AIFM2: variants seen among roughly 807,000 people sequenced by gnomAD.
AIFM2 encodes the protein ferroptosis suppressor protein 1.
Under a neutral mutation model 35.7 loss-of-function variants are expected in AIFM2, and 38 were observed. The observed-to-expected ratio is 1.06, with a 90% CI of 0.82 to 1.39. AIFM2 has a LOEUF of 1.39. AIFM2 is among the 40% of genes most tolerant of loss of function. The pLI, the probability that AIFM2 is intolerant of heterozygous loss-of-function variation, is 0.00. For missense variants in AIFM2, 476 were observed against 491.2 expected (o/e 0.97, Z 0.29); for synonymous variants, 185 against 203.5 (o/e 0.91, Z 0.77).
Position 70,112,333 on chromosome 10 carries a change from C to T in AIFM2, c.*1845G>A, listed in dbSNP as rs1173897190. The T allele has an allele frequency of 2.0e-5, 3 of 152,200 alleles. No individual in the cohort carries two copies. The highest frequency in any genetic ancestry group is 2.1e-4 in the South Asian group (1 of 4,828). 9.4% of individuals were successfully genotyped at this position (152,200 alleles called of 1,614,324 possible). A position where few individuals can be genotyped will look rare whatever the true frequency, so the allele number is the denominator to read the frequency against. On this transcript the variant is annotated 3_prime_UTR_variant, in exon 9 of 9. Transcript: ENST00000307864. ...CAGTTTGGAAAACTGTGTCCCCACA[C>T]GTAGGTCCTTCTAGAATATTGTAAG...
chr10:70,122,960 T>A (rs1226018740), intron 3 of AIFM2, among the ~76,000 whole-genome samples: 1 of 152,190 alleles, frequency 6.6e-6, no homozygotes, highest in African/African-American at 2.4e-5. Context: ...AAGCCTTTGT[T>A]TATGAGGAAT....
At chr10:70,132,154 CAG>C (rs1412452974) in intron 1 of AIFM2, among the ~76,000 whole-genome samples, 4 of 152,220 alleles carry the variant, frequency 2.6e-5, no homozygotes, top group East Asian at 1.9e-4. Context: ...CGCGTCCCAT[CAG>C]AGTTAGTTTA....
At chr10:70,125,045 G>A (rs2072550012) in intron 1 of AIFM2, among the ~76,000 whole-genome samples, 1 of 152,030 alleles carries the variant, frequency 6.6e-6, no homozygotes, top group Admixed American at 6.6e-5. Flanking sequence ...CCTCTCTCTC[G>A]CTCTCTCTTT....
Position 70,117,767 on chromosome 10 carries a change from C to G in AIFM2, c.616+45G>C. On this transcript the variant is annotated intron_variant, in intron 6 of 8. Coordinates refer to ENST00000307864, the MANE Select transcript of AIFM2 (RefSeq NM_032797.6). This position sits in a 1 kb window ranked among gnomAD's most constrained non-coding sequence, Gnocchi z 4.7. ...GTCACCAAGCCTCCAAGCCACATCTCACCAGGCCAGGGCAGGGCAGGGAGG... is the reference window on the plus strand; with the variant it reads ...GTCACCAAGCCTCCAAGCCACATCTGACCAGGCCAGGGCAGGGCAGGGAGG... 6.6e-7 allele frequency: 1 copy of G among 1,522,534 alleles called. No homozygotes were observed. The highest frequency in any genetic ancestry group is 8.9e-7 in the Non-Finnish European group (1 of 1,118,568). 94.3% of individuals were successfully genotyped at this position (1,522,534 alleles called of 1,614,324 possible).
intron 1 of AIFM2, among the ~76,000 whole-genome samples, chr10:70,129,782 T>C (rs1210113616): frequency 6.6e-6 from 1 of 152,292 alleles, no homozygotes; most frequent in East Asian, 1.9e-4. Flanking sequence ...CCATCTAATT[T>C]TTTAATCAAA....
intron 1 of AIFM2, among the ~76,000 whole-genome samples, chr10:70,129,888 T>TA (rs1564555535): frequency 1.3e-4 from 13 of 100,596 alleles, no homozygotes; most frequent in Non-Finnish European, 2.2e-4. Context: ...ACCCCATCTT[T>TA]TAAAAAAAAA....
chr10:70,118,538 C>T (rs2072463505), intron 5 of AIFM2, among the ~76,000 whole-genome samples: 1 of 152,240 alleles, frequency 6.6e-6, no homozygotes, highest in African/African-American at 2.4e-5. Flanking sequence ...GCATGTAACT[C>T]AGCACATATT....
chr10:70,116,506 G>T (rs1336257427), intron 7 of AIFM2, 116 bp downstream of exon 7: 3 of 1,324,798 alleles, frequency 2.3e-6, no homozygotes, highest in Non-Finnish European at 3.2e-6. Context: ...TGAGCTGTTG[G>T]GAAGAAAGGG....
At position 70,116,609 on chromosome 10, in the gene AIFM2, G is replaced by C. The variant is rs760235131; in HGVS notation, c.769+13C>G. On this transcript the variant is annotated intron_variant, in intron 7 of 8. Coordinates refer to ENST00000307864, the MANE Select transcript of AIFM2 (RefSeq NM_032797.6). Reference sequence around the variant, plus strand: ...AGGAGGCACAGGGGAAGCCCGGCTGGGCACCTGCTCACCAAACGCTTTGCG... The same window carrying C: ...AGGAGGCACAGGGGAAGCCCGGCTGCGCACCTGCTCACCAAACGCTTTGCG... 6.2e-7 allele frequency: 1 copy of C among 1,612,834 alleles called. No individual in the cohort carries two copies. The highest frequency in any genetic ancestry group is 8.5e-7 in the Non-Finnish European group (1 of 1,179,788).
chr10:70,114,317 A>C lies in AIFM2; in HGVS notation c.983T>G (p.Phe328Cys). The C allele has an allele frequency of 6.2e-7, 1 of 1,613,870 alleles. No individual in the cohort carries two copies. Residue 328 changes from phenylalanine to cysteine, a missense_variant, in exon 9 of 9, where the codon TTC becomes TGC. Transcript: ENST00000307864. ...LQAYKPGALTFLLSMGRNDGV... is the reference protein window; with the variant it reads ...LQAYKPGALTCLLSMGRNDGV... ...GTCATTTCTCCCCATGGACAGGAGGAACGTCAGTGCACCTGCAAGCAGAGA... is the reference window on the plus strand; with the variant it reads ...GTCATTTCTCCCCATGGACAGGAGGCACGTCAGTGCACCTGCAAGCAGAGA...
chr10:70,116,360 C>T (rs1318446008), intron 7 of AIFM2, among the ~76,000 whole-genome samples: 2 of 152,230 alleles, frequency 1.3e-5, no homozygotes, highest in Admixed American at 6.5e-5. Context: ...ATCTCTCTGA[C>T]GCCTGTTCCC....
At chr10:70,128,583 G>A (rs569824949) in intron 1 of AIFM2, among the ~76,000 whole-genome samples, 11 of 152,314 alleles carry the variant, frequency 7.2e-5, no homozygotes, top group East Asian at 3.9e-4. Flanking sequence ...GGCTGGTCTC[G>A]AACTCCTGAC....
intron 1 of AIFM2, among the ~76,000 whole-genome samples, chr10:70,130,191 A>AT (rs1340023608): frequency 3.3e-5 from 5 of 151,980 alleles, no homozygotes; most frequent in Admixed American, 1.3e-4. Flanking sequence ...TCAAAAAAAA[A>AT]TTTTTTTTAA....
At position 70,120,580 on chromosome 10, in the gene AIFM2, A is replaced by G; in HGVS notation, c.434T>C (p.Ile145Thr). 1 of 1,614,088 alleles carries G rather than the reference A, an allele frequency of 6.2e-7. No homozygotes were observed. The highest frequency in any genetic ancestry group is 8.5e-7 in the Non-Finnish European group (1 of 1,180,018). The change falls in exon 5 of 9, where the codon ATC (isoleucine) becomes ACC (threonine). Residue 145 changes from isoleucine to threonine, a missense_variant. Physicochemically the swap from Ile to Thr is moderately conservative, Grantham distance 89 (BLOSUM62 -1). Transcript: ENST00000307864. ...MVRQVQRSRF[I>T]VVVGGGSAGV... is the part of the protein sequence containing the mutation. ...AGCCGAGCCTCCTCCCACCACCACG[A>G]TGAACCGTGAGCGCTGGACCTGGAG...
In AIFM2 at chr10:70,114,113, G is replaced by T; in HGVS notation, c.*65C>A. 1 of 1,538,908 alleles carries T rather than the reference G, an allele frequency of 6.5e-7. No individual in the cohort carries two copies. The highest frequency in any genetic ancestry group is 8.7e-7 in the Non-Finnish European group (1 of 1,145,226). ...CATTAGTTCTAGCACTTGCCAGGCG[G>T]GTGCCATGCGCCAAGCAGTCCGTAC... On this transcript the variant is annotated 3_prime_UTR_variant, in exon 9 of 9. Coordinates refer to ENST00000307864, the MANE Select transcript of AIFM2 (RefSeq NM_032797.6).
chr10:70,116,627 G>A lies in AIFM2; in HGVS notation c.764C>T (p.Ala255Val), dbSNP rs750792985. ...CCGGCTGGGCACCTGCTCACCAAAC[G>A]CTTTGCGGTAGGCGGAGCTGTTGAT... ...IKINSSAYRK[A>V]FESRLASSGA... The change falls in exon 7 of 9, where the codon GCG becomes GTG. Residue 255 changes from alanine (A) to valine (V), a missense_variant. Transcript: ENST00000307864. 9 of 1,613,566 alleles carry A rather than the reference G, an allele frequency of 5.6e-6. No individual in the cohort carries two copies. The highest frequency in any genetic ancestry group is 4.5e-5 in the East Asian group (2 of 44,896).
intron 2 of AIFM2, 77 bp from the exon 3 acceptor site, chr10:70,123,597 C>A: frequency 7.5e-7 from 1 of 1,337,526 alleles, no homozygotes. Flanking sequence ...CAGAACCTTT[C>A]ACGAGCTGCA....
At chr10:70,129,854 C>T (rs914291289) in intron 1 of AIFM2, among the ~76,000 whole-genome samples, 6 of 151,420 alleles carry the variant, frequency 4.0e-5, no homozygotes, top group African/African-American at 1.2e-4. Context: ...TATGATTGCA[C>T]CACTGCACTC....
intron 5 of AIFM2, among the ~76,000 whole-genome samples, chr10:70,119,286 AATT>A (rs2072471750): frequency 6.6e-6 from 1 of 152,194 alleles, no homozygotes; most frequent in Admixed American, 6.5e-5. Flanking sequence ...TGCTCTAGCA[AATT>A]ATTTAACCCA....
Sources: allele counts gnomAD v4.1 joint callset (sites outside exome capture counted in the v4.1 genomes callset), GRCh38; gene constraint gnomAD v4.1.1; non-coding constraint Gnocchi (gnomAD v3.1); transcripts MANE v1.5; gene names NCBI Gene and HGNC (gene_info 2026-07-23, HGNC 2026-07-21).